The following FSTL5 variants were observed in gnomAD, a reference collection of about 807,000 sequenced individuals.
FSTL5 encodes follistatin-related protein 5.
FSTL5 carries 62 observed loss-of-function variants against 89.1 expected under a neutral mutation model. The observed-to-expected ratio is 0.70, with a 90% CI of 0.57 to 0.86. The LOEUF is 0.86. Among genes scored for constraint, FSTL5 ranks in the 40% least tolerant of loss-of-function variants. FSTL5 has a pLI of 0.00. For missense variants in FSTL5, 1,057 were observed against 1,001.6 expected, an observed-to-expected ratio of 1.06 and a Z score of -0.75; for synonymous variants, 383 against 346.2, an observed-to-expected ratio of 1.11 and a Z score of -1.18.
intron 15 of FSTL5, among the ~76,000 whole-genome samples, chr4:161,394,537 A>C (rs2110885814): frequency 6.6e-6 from 1 of 152,258 alleles, no homozygotes; most frequent in Non-Finnish European, 1.5e-5. Flanking sequence ...AGCCTCCCAA[A>C]GTGCAGAGAT....
chr4:161,799,505 G>T (rs576684440), intron 4 of FSTL5, among the ~76,000 whole-genome samples: 3 of 151,540 alleles, frequency 2.0e-5, no homozygotes, highest in Admixed American at 6.6e-5. Flanking sequence ...AGAGATTTTT[G>T]ACTCAAATTA....
chr4:161,916,239 A>G (rs1319381242), intron 4 of FSTL5, among the ~76,000 whole-genome samples: 2 of 152,156 alleles, frequency 1.3e-5, no homozygotes, highest in East Asian at 3.9e-4. Flanking sequence ...AGCACAGTAA[A>G]TAGCAGAAGG....
rs879225654 is a variant in FSTL5 at position 161,385,546 on chromosome 4, CTGAG to C, written c.*197_*200del. 1.2e-5 allele frequency: 6 copies of C among 499,342 alleles called. No homozygotes were observed. The highest frequency in any genetic ancestry group is 5.3e-4 in the Middle Eastern group (1 of 1,902). The allele number at this position is 499,342 out of a possible 1,614,324, so 30.9% of individuals were successfully genotyped here. On this transcript the variant is annotated 3_prime_UTR_variant, in exon 16 of 16. Transcript: ENST00000306100. ...ATGTGATTTCTCATTAAATATTGTG[CTGAG>C]TATTTCTAATTAACCAATATAATTA...
At chr4:161,885,834 T>C (rs2126915934) in intron 4 of FSTL5, among the ~76,000 whole-genome samples, 1 of 152,274 alleles carries the variant, frequency 6.6e-6, no homozygotes, top group South Asian at 2.1e-4. Context: ...TGTGTGTGTA[T>C]GTTTTTTCCT....
chr4:161,548,434 T>C (rs1732080014), intron 8 of FSTL5, among the ~76,000 whole-genome samples: 1 of 151,860 alleles, frequency 6.6e-6, no homozygotes, highest in South Asian at 2.1e-4. Flanking sequence ...CAAAGTTCGT[T>C]AAAGGAAAAT....
chr4:161,802,408 A>G (rs1729826983), intron 4 of FSTL5, among the ~76,000 whole-genome samples: 2 of 151,704 alleles, frequency 1.3e-5, no homozygotes, highest in South Asian at 4.1e-4. Context: ...AATCCAGAGG[A>G]CACTGGCAAA....
intron 8 of FSTL5, among the ~76,000 whole-genome samples, chr4:161,556,862 A>AT (rs1182255819): frequency 2.0e-5 from 3 of 149,760 alleles, no homozygotes; most frequent in African/African-American, 2.4e-5. Context: ...ATATATATAT[A>AT]ATCCTGGATT....
intron 6 of FSTL5, among the ~76,000 whole-genome samples, chr4:161,673,096 A>G (rs866114697): frequency 2.0e-5 from 3 of 152,218 alleles, no homozygotes; most frequent in Non-Finnish European, 4.4e-5. Context: ...ACAATTATAC[A>G]GTTAACTCAG....
chr4:162,030,706 T>A (rs1041591958), intron 3 of FSTL5, among the ~76,000 whole-genome samples: 3 of 152,186 alleles, frequency 2.0e-5, no homozygotes, highest in Non-Finnish European at 4.4e-5. Context: ...TTGTCATAAA[T>A]CTTTTAAATT....
intron 4 of FSTL5, among the ~76,000 whole-genome samples, chr4:161,870,219 G>T (rs186543534): frequency 6.6e-6 from 1 of 152,122 alleles, no homozygotes; most frequent in Admixed American, 6.6e-5. Flanking sequence ...GCATATATAA[G>T]TGATGTAGAA....
intron 2 of FSTL5, among the ~76,000 whole-genome samples, chr4:162,050,586 G>A (rs1738346806): frequency 6.7e-6 from 1 of 149,030 alleles, no homozygotes; most frequent in Admixed American, 6.7e-5. Context: ...AATCACTCTT[G>A]GAAAAAAAGA....
chr4:161,641,022 T>C (rs1031533736), intron 7 of FSTL5, among the ~76,000 whole-genome samples: 1 of 152,148 alleles, frequency 6.6e-6, no homozygotes, highest in African/African-American at 2.4e-5. Flanking sequence ...CTAAAAGAAA[T>C]AAGCTGCCAA....
intron 11 of FSTL5, among the ~76,000 whole-genome samples, chr4:161,503,011 CAA>C (rs1248012425): frequency 6.6e-6 from 1 of 151,326 alleles, no homozygotes; most frequent in African/African-American, 2.4e-5. Flanking sequence ...GAAAATATGA[CAA>C]AGAGGGATGA....
rs921010564 is a variant in FSTL5 at position 161,602,691 on chromosome 4, T to C, written c.895-15116A>G. ...AAATGTAAAAATTACAACAGGCTTCTTATCAGAAGTTTTGAAAGTCATAAG... is the reference window on the plus strand; with the variant it reads ...AAATGTAAAAATTACAACAGGCTTCCTATCAGAAGTTTTGAAAGTCATAAG... On this transcript the variant is annotated intron_variant, in intron 7 of 15. Coordinates refer to ENST00000306100, the MANE Select transcript of FSTL5 (RefSeq NM_020116.5). 1.2e-4 allele frequency among the ~76,000 whole-genome samples: 19 copies of C among 152,300 alleles called. No homozygotes were observed. In the South Asian group the frequency reaches 3.9e-3, roughly 32 times the overall value.
intron 6 of FSTL5, among the ~76,000 whole-genome samples, chr4:161,696,470 G>A (rs780586699): frequency 2.0e-5 from 3 of 151,870 alleles, no homozygotes; most frequent in African/African-American, 7.3e-5. Context: ...TGAATTTTAG[G>A]ATTGTTTTTC....
chr4:161,772,709 T>A (rs1366338716), intron 5 of FSTL5, among the ~76,000 whole-genome samples: 1 of 152,038 alleles, frequency 6.6e-6, no homozygotes, highest in Admixed American at 6.6e-5. Context: ...CAAAAGCAAA[T>A]GGAAACACAT....
chr4:161,643,303 C>G (rs140215229), intron 7 of FSTL5, among the ~76,000 whole-genome samples: 599 of 152,214 alleles, frequency 3.9e-3, no homozygotes, highest in African/African-American at 0.014. Flanking sequence ...CTGTGGCTCC[C>G]TTTACTGGGA....
chr4:161,941,138 C>T (rs1305106239), intron 3 of FSTL5, among the ~76,000 whole-genome samples: 1 of 151,284 alleles, frequency 6.6e-6, no homozygotes, highest in Non-Finnish European at 1.5e-5. Flanking sequence ...GGGGGAAGCA[C>T]TAAGAAAATA....
Position 162,131,856 on chromosome 4 carries a change from T to G in FSTL5, c.-16-20444A>C, listed in dbSNP as rs1732313557. On this transcript the variant is annotated intron_variant, in intron 1 of 15. Coordinates refer to ENST00000306100, the MANE Select transcript of FSTL5 (RefSeq NM_020116.5). ...TATACCATATTTACACTTATCAGAT[T>G]TTGGCAGGCAAGAAAATTATGGGTA... is the stretch of plus-strand genomic sequence containing the variant. 2.0e-5 allele frequency among the ~76,000 whole-genome samples: 3 copies of G among 152,196 alleles called. No individual in the cohort carries two copies. The South Asian group carries it at 6.2e-4, about 32-fold the overall frequency.
Sources: gnomAD v4.1 joint callset for allele counts (sites outside exome capture counted in the v4.1 genomes callset) on GRCh38, gnomAD v4.1.1 for gene constraint, MANE v1.5 for transcripts, NCBI Gene and HGNC (gene_info 2026-07-23, HGNC 2026-07-21) for gene names.